B3GALT1: variants seen among roughly 807,000 people sequenced by gnomAD.
B3GALT1 encodes UDP-Gal:betaGlcNAc beta 1,3-galactosyltransferase, polypeptide 1.
A neutral mutation model predicts 23.2 loss-of-function variants in B3GALT1; 10 were observed. The ratio of observed to expected loss-of-function variants is 0.43; its 90% confidence interval spans 0.27 to 0.73. B3GALT1 has a LOEUF of 0.73. Ranked by LOEUF, B3GALT1 falls within the 30% of genes least tolerant of loss-of-function variation. B3GALT1 has a pLI of 0.21. For missense variants in B3GALT1, 299 were observed against 405.4 expected (o/e 0.74, Z 2.25); for synonymous variants, 156 against 141.5 (o/e 1.10, Z -0.73).
rs576561693 is a variant in B3GALT1, at chr2:167,477,583, C to T, written c.-510-12594C>T. 6.6e-5 allele frequency among the ~76,000 whole-genome samples: 10 copies of T among 152,264 alleles called. No individual in the cohort carries two copies. The East Asian group carries it at 1.2e-3, about 18-fold the overall frequency. ...CTGAAATATATTACTTAGTTTTATC[C>T]GGATTGTAAGTTACCAGACCATTTT... On this transcript the variant is annotated intron_variant, in intron 1 of 4. Transcript: ENST00000392690.
At chr2:167,665,706 C>T (rs558056076) in intron 3 of B3GALT1, among the ~76,000 whole-genome samples, 24 of 152,166 alleles carry the variant, frequency 1.6e-4, no homozygotes, top group African/African-American at 3.1e-4. Flanking sequence ...GTGTATGTGT[C>T]GAGGAATTTA....
intron 2 of B3GALT1, among the ~76,000 whole-genome samples, chr2:167,625,514 G>A (rs1270438342): frequency 6.6e-6 from 1 of 151,670 alleles, no homozygotes; most frequent in East Asian, 1.9e-4. Context: ...TGAAAAGGCC[G>A]ACTGTCAGAA....
At chr2:167,299,584 C>T (rs1696413078) in intron 1 of B3GALT1, among the ~76,000 whole-genome samples, 1 of 152,034 alleles carries the variant, frequency 6.6e-6, no homozygotes, top group Non-Finnish European at 1.5e-5. Flanking sequence ...TAATGATAAA[C>T]AGGAAAGGTG....
At chr2:167,715,134 C>A in intron 3 of B3GALT1, 1 of 1,613,840 alleles carries the variant, frequency 6.2e-7, no homozygotes, top group South Asian at 1.1e-5. Context: ...TTCAAAGCTC[C>A]TTTGGGAGGA....
chr2:167,685,837 G>A (rs1376297460), intron 3 of B3GALT1, among the ~76,000 whole-genome samples: 2 of 152,172 alleles, frequency 1.3e-5, no homozygotes, highest in African/African-American at 2.4e-5. Flanking sequence ...GGAGCCGAAA[G>A]GCAGTCTCTC....
At chr2:167,774,439 A>G (rs1331975087) in intron 3 of B3GALT1, among the ~76,000 whole-genome samples, 1 of 146,692 alleles carries the variant, frequency 6.8e-6, no homozygotes, top group African/African-American at 2.5e-5. Flanking sequence ...TATCCTTTGC[A>G]TACCTGCTTC....
intron 4 of B3GALT1, among the ~76,000 whole-genome samples, chr2:167,822,337 G>A (rs918347987): frequency 2.0e-5 from 3 of 152,254 alleles, no homozygotes; most frequent in African/African-American, 7.2e-5. Context: ...ATAATAGGCT[G>A]TACTTTGCTA....
At chr2:167,308,689 C>A (rs748625906) in intron 1 of B3GALT1, among the ~76,000 whole-genome samples, 2 of 152,000 alleles carry the variant, frequency 1.3e-5, no homozygotes, top group South Asian at 4.2e-4. Flanking sequence ...AGGCTCATTT[C>A]CTGTTAGCTT....
intron 2 of B3GALT1, among the ~76,000 whole-genome samples, chr2:167,607,988 T>C (rs1305420432): frequency 1.3e-5 from 2 of 152,216 alleles, no homozygotes; most frequent in Non-Finnish European, 2.9e-5. Context: ...TCTTGTGACA[T>C]TTAATAAGAA....
rs373270625 is a variant in B3GALT1 at position 167,346,734 on chromosome 2, T to TTGTGTG, written c.-511+53407_-511+53412dup. 1.4e-4 allele frequency among the ~76,000 whole-genome samples: 5 copies of TTGTGTG among 35,866 alleles called. No individual in the cohort carries two copies. The East Asian group carries it at 2.7e-3, about 19-fold the overall frequency. 23.5% of individuals were successfully genotyped at this position (35,866 alleles called of 152,430 possible). On this transcript the variant is annotated intron_variant, in intron 1 of 4. Transcript: ENST00000392690. ...TCTGCATGATTAATTTCTGAGTTGT[T>TTGTGTG]TGTGTGTGTGTGGGGGGGGGGTGGT...
chr2:167,825,706 C>T (rs1467859806), intron 4 of B3GALT1, among the ~76,000 whole-genome samples: 1 of 152,094 alleles, frequency 6.6e-6, no homozygotes, highest in Non-Finnish European at 1.5e-5. Context: ...GACTCCAGCT[C>T]CTGTAGAAAT....
At chr2:167,811,489 T>C (rs1034918964) in intron 3 of B3GALT1, among the ~76,000 whole-genome samples, 1 of 152,182 alleles carries the variant, frequency 6.6e-6, no homozygotes, top group African/African-American at 2.4e-5. Flanking sequence ...TAAAAACCTA[T>C]GGTGAGAAAA....
intron 1 of B3GALT1, among the ~76,000 whole-genome samples, chr2:167,447,272 A>C (rs1323195785): frequency 6.6e-6 from 1 of 152,104 alleles, no homozygotes; most frequent in East Asian, 1.9e-4. Flanking sequence ...GTCGGCCCCT[A>C]CTGGGGGGTG....
chr2:167,602,318 TAG>T (rs1297922398), intron 2 of B3GALT1, among the ~76,000 whole-genome samples: 1 of 152,026 alleles, frequency 6.6e-6, no homozygotes, highest in Non-Finnish European at 1.5e-5. Flanking sequence ...AGAGAGCATA[TAG>T]AGAGACAGAG....
At chr2:167,849,907 A>C (rs972216137) in intron 4 of B3GALT1, among the ~76,000 whole-genome samples, 2 of 151,486 alleles carry the variant, frequency 1.3e-5, no homozygotes, top group Admixed American at 6.6e-5. Context: ...AAAAAAAAAA[A>C]GGACTTAAAC....
chr2:167,401,154 C>G (rs1012241562), intron 1 of B3GALT1, among the ~76,000 whole-genome samples: 10 of 152,018 alleles, frequency 6.6e-5, no homozygotes, highest in African/African-American at 2.4e-4. Context: ...CCAATAGTCA[C>G]TTTAAATTAC....
At chr2:167,510,416 T>G (rs963702292) in intron 2 of B3GALT1, among the ~76,000 whole-genome samples, 39 of 151,362 alleles carry the variant, frequency 2.6e-4, no homozygotes, top group East Asian at 1.7e-3. Context: ...TGTTTTTTTT[T>G]TTTTTTTTTT....
chr2:167,507,442 G>A (rs1019317723), intron 2 of B3GALT1, among the ~76,000 whole-genome samples: 28 of 141,424 alleles, frequency 2.0e-4, no homozygotes, highest in African/African-American at 6.7e-4. Context: ...GGAGTTGGAG[G>A]TTGCAGTGAA....
intron 2 of B3GALT1, among the ~76,000 whole-genome samples, chr2:167,522,674 G>A (rs973729698): frequency 6.6e-5 from 10 of 152,148 alleles, no homozygotes; most frequent in African/African-American, 2.4e-4. Flanking sequence ...AAGTTAAACA[G>A]TGTTTTAGAA....
Sources: allele counts gnomAD v4.1 joint callset (sites outside exome capture counted in the v4.1 genomes callset), GRCh38; gene constraint gnomAD v4.1.1; transcripts MANE v1.5; gene names NCBI Gene and HGNC (gene_info 2026-07-23, HGNC 2026-07-21).